The following UBE2G1 variants were observed in gnomAD, a reference collection of about 807,000 sequenced individuals.
The protein encoded by UBE2G1 is ubiquitin-conjugating enzyme E2 G1.
UBE2G1 carries 5 observed loss-of-function variants against 22.7 expected under a neutral mutation model. The ratio of observed to expected loss-of-function variants is 0.22; its 90% CI spans 0.12 to 0.46. The LOEUF (loss-of-function observed/expected upper bound fraction) is 0.46, where lower values mean the gene tolerates loss of function less well. Among genes scored for constraint, UBE2G1 ranks in the 20% least tolerant of loss-of-function variants. UBE2G1 has a pLI of 0.99. For synonymous variants in UBE2G1, 74 were observed against 67.5 expected (o/e 1.10, Z -0.47); for missense variants, 88 against 203.9 (o/e 0.43, Z 3.46).
intron 4 of UBE2G1, among the ~76,000 whole-genome samples, chr17:4,284,372 G>A (rs1968933211): frequency 6.6e-6 from 1 of 151,976 alleles, no homozygotes; most frequent in Admixed American, 6.6e-5. Flanking sequence ...GCAGAGGCAG[G>A]TGGATCACCT....
At chr17:4,305,423 G>C (rs933808706) in intron 2 of UBE2G1, among the ~76,000 whole-genome samples, 3 of 152,120 alleles carry the variant, frequency 2.0e-5, no homozygotes, top group African/African-American at 7.2e-5. Flanking sequence ...GTCCAGAAGT[G>C]ACCACCAGTA....
intron 1 of UBE2G1, among the ~76,000 whole-genome samples, chr17:4,334,070 GT>G (rs1019776088): frequency 4.5e-4 from 65 of 145,588 alleles, no homozygotes; most frequent in Non-Finnish European, 5.5e-4. Context: ...AATTTCCATG[GT>G]TTTTTTTTTT....
chr17:4,354,562 C>T (rs1310332308), intron 1 of UBE2G1, among the ~76,000 whole-genome samples: 4 of 152,090 alleles, frequency 2.6e-5, no homozygotes, highest in Admixed American at 6.6e-5. Flanking sequence ...GGAAAGGGCT[C>T]GAGTTTTATC....
intron 1 of UBE2G1, among the ~76,000 whole-genome samples, chr17:4,334,996 C>A (rs1225496060): frequency 6.6e-6 from 1 of 152,004 alleles, no homozygotes; most frequent in African/African-American, 2.4e-5. Context: ...CTGATGAAAA[C>A]AAACATGATA....
chr17:4,338,589 C>G (rs1223970346), intron 1 of UBE2G1, among the ~76,000 whole-genome samples: 4 of 152,164 alleles, frequency 2.6e-5, no homozygotes, highest in Non-Finnish European at 5.9e-5. Flanking sequence ...CAATTCATTT[C>G]CTAAGCCAAC....
intron 1 of UBE2G1, among the ~76,000 whole-genome samples, chr17:4,355,541 C>G (rs994514951): frequency 2.2e-4 from 32 of 147,524 alleles, no homozygotes; most frequent in African/African-American, 7.2e-4. Context: ...ACTTCTGAGG[C>G]TGAGGCGGGA....
In UBE2G1 at chr17:4,296,614, C is replaced by A. The variant is rs1969115921; in HGVS notation, c.247+103G>T. On this transcript the variant is annotated intron_variant, in intron 3 of 5. Coordinates refer to ENST00000396981, the MANE Select transcript of UBE2G1 (RefSeq NM_003342.5). ...TGCACAATGAACAGTACAAAAATGCCAAAGCAATTTCACTGAGAAACAGAT... is the reference window on the plus strand; with the variant it reads ...TGCACAATGAACAGTACAAAAATGCAAAAGCAATTTCACTGAGAAACAGAT... The A allele has an allele frequency of 3.3e-6, 4 of 1,221,186 alleles. No individual in the cohort carries two copies. The Admixed American group carries it at 6.8e-5, about 21-fold the overall frequency. 75.6% of individuals were successfully genotyped at this position (1,221,186 alleles called of 1,614,324 possible).
chr17:4,288,260 T>TA (rs1170849877), intron 4 of UBE2G1, among the ~76,000 whole-genome samples: 1 of 152,144 alleles, frequency 6.6e-6, no homozygotes, highest in Admixed American at 6.5e-5. Context: ...TTGTCTTAGG[T>TA]ATGACAATCG....
At chr17:4,328,215 G>A (rs1030191676) in intron 1 of UBE2G1, among the ~76,000 whole-genome samples, 4 of 152,142 alleles carry the variant, frequency 2.6e-5, no homozygotes, top group South Asian at 2.1e-4. Flanking sequence ...TCTCCCAGCT[G>A]AGAACCCATA....
intron 2 of UBE2G1, among the ~76,000 whole-genome samples, chr17:4,298,662 A>G (rs1969138538): frequency 6.6e-6 from 1 of 152,232 alleles, no homozygotes; most frequent in African/African-American, 2.4e-5. Flanking sequence ...GTAAAAAGCA[A>G]TAGGAAAAAA....
chr17:4,290,842 C>T lies in UBE2G1; in HGVS notation c.248-1434G>A, dbSNP rs1969027517. Among the ~76,000 whole-genome samples the T allele has an allele frequency of 1.4e-5, 2 of 147,142 alleles. 1 individual carries two copies. On this transcript the variant is annotated intron_variant, in intron 3 of 5. Transcript: ENST00000396981. ...CTATATTGCCCAGGCTGGTCCCAAACTGGGATTACAGGAAACAGCCCCTGC... is the reference window on the plus strand; with the variant it reads ...CTATATTGCCCAGGCTGGTCCCAAATTGGGATTACAGGAAACAGCCCCTGC...
chr17:4,354,330 C>T (rs1411179175), intron 1 of UBE2G1, among the ~76,000 whole-genome samples: 1 of 152,164 alleles, frequency 6.6e-6, no homozygotes, highest in Non-Finnish European at 1.5e-5. Context: ...ACCAAAACAG[C>T]ATCCCAATAG....
chr17:4,340,850 C>T (rs993317191), intron 1 of UBE2G1, among the ~76,000 whole-genome samples: 2 of 149,476 alleles, frequency 1.3e-5, no homozygotes, highest in African/African-American at 2.5e-5. Context: ...TCAAGTGACC[C>T]TCCCATTTCG....
At chr17:4,365,139 T>C (rs1970017158) in intron 1 of UBE2G1, among the ~76,000 whole-genome samples, 1 of 152,220 alleles carries the variant, frequency 6.6e-6, no homozygotes, top group Non-Finnish European at 1.5e-5. Flanking sequence ...ATTTCATCAC[T>C]CCAGTCTTTG....
chr17:4,300,332 C>T (rs565686876), intron 2 of UBE2G1, among the ~76,000 whole-genome samples: 6 of 151,548 alleles, frequency 4.0e-5, no homozygotes, highest in Non-Finnish European at 5.9e-5. Context: ...CACTTGAGGT[C>T]AGGAGTTCGA....
intron 1 of UBE2G1, among the ~76,000 whole-genome samples, chr17:4,339,421 C>T (rs568033702): frequency 6.6e-6 from 1 of 152,096 alleles, no homozygotes; most frequent in African/African-American, 2.4e-5. Flanking sequence ...TCTCCTGCCT[C>T]AGCCTCCCAA....
intron 3 of UBE2G1, among the ~76,000 whole-genome samples, chr17:4,294,244 C>T (rs1011545765): frequency 6.6e-6 from 1 of 151,890 alleles, no homozygotes; most frequent in African/African-American, 2.4e-5. Context: ...GGTGAAACCC[C>T]GACTCTACTA....
At chr17:4,363,968 A>T (rs1969999749) in intron 1 of UBE2G1, among the ~76,000 whole-genome samples, 1 of 145,140 alleles carries the variant, frequency 6.9e-6, no homozygotes, top group Admixed American at 6.9e-5. Context: ...AAAAAAAAAA[A>T]AAAAAAAAAG....
rs142096505 is a variant in UBE2G1 at position 4,272,423 on chromosome 17, G to C, written c.*131C>G. 3.2e-4 allele frequency: 60 copies of C among 186,806 alleles called. No homozygotes were observed. The East Asian group carries it at 0.01, about 32-fold the overall frequency. The allele number at this position is 186,806 out of a possible 1,614,324, so 11.6% of individuals were successfully genotyped here. A position where few individuals can be genotyped will look rare whatever the true frequency, so the allele number is the denominator to read the frequency against. ...AACTGGCATGTTTTATTGCAGCCCAGTTCCAGCCAGTGTTTGCCAACTTGT... is the reference window on the plus strand; with the variant it reads ...AACTGGCATGTTTTATTGCAGCCCACTTCCAGCCAGTGTTTGCCAACTTGT... On this transcript the variant is annotated 3_prime_UTR_variant, in exon 6 of 6. Coordinates refer to ENST00000396981, the MANE Select transcript of UBE2G1 (RefSeq NM_003342.5).
Sources: allele counts gnomAD v4.1 joint callset (sites outside exome capture counted in the v4.1 genomes callset), GRCh38; gene constraint gnomAD v4.1.1; transcripts MANE v1.5; gene names NCBI Gene and HGNC (gene_info 2026-07-23, HGNC 2026-07-21).